PLA1A: variants seen among roughly 807,000 people sequenced by gnomAD.
PLA1A encodes phosphatidylserine-specific phospholipase A1alpha.
Under a neutral mutation model 49.4 loss-of-function variants are expected in PLA1A, and 47 were observed. The observed-to-expected ratio is 0.95, with a 90% CI of 0.75 to 1.21. The LOEUF is 1.21. PLA1A is among the 50% of genes most tolerant of loss of function. The probability of loss-of-function intolerance (pLI) is 0.00; values close to 1 mark genes in which losing one functional copy is unlikely to be tolerated. For synonymous variants in PLA1A, 224 were observed against 207.9 expected (o/e 1.08, Z -0.67); for missense variants, 561 against 563.9 (o/e 0.99, Z 0.05).
intron 3 of PLA1A, 60 bp downstream of exon 3, chr3:119,609,007 G>C: frequency 7.1e-7 from 1 of 1,414,918 alleles, no homozygotes; most frequent in Non-Finnish European, 9.9e-7. Flanking sequence ...GGGTCAGAAA[G>C]ACAAAAGCAC....
chr3:119,602,870 A>G (rs1254070641), intron 1 of PLA1A, among the ~76,000 whole-genome samples: 1 of 152,188 alleles, frequency 6.6e-6, no homozygotes, highest in Non-Finnish European at 1.5e-5. Context: ...ACAAGAGAGC[A>G]CTTGACAAGC....
In PLA1A at chr3:119,628,642, G is replaced by A. The variant is rs2052579028; in HGVS notation, c.1122-59G>A. ...CAGCAGAGCCCGATCGGAGCCAAAG[G>A]GGAAGTACAGGTGGTAAGGGCTACA... On this transcript the variant is annotated intron_variant, in intron 9 of 10. Transcript: ENST00000273371. 9.8e-6 allele frequency: 15 copies of A among 1,526,550 alleles called. No homozygotes were observed. The South Asian group carries it at 1.4e-4, about 14-fold the overall frequency. 94.6% of individuals were successfully genotyped at this position (1,526,550 alleles called of 1,614,324 possible).
chr3:119,620,728 T>A (rs2082917584), intron 8 of PLA1A, among the ~76,000 whole-genome samples: 1 of 152,170 alleles, frequency 6.6e-6, no homozygotes, highest in Non-Finnish European at 1.5e-5. Flanking sequence ...GTTAGGGTGT[T>A]TGTATCTTCA....
At chr3:119,619,747 A>C in intron 8 of PLA1A, 95 bp downstream of exon 8, 1 of 862,584 alleles carries the variant, frequency 1.2e-6, no homozygotes, top group Non-Finnish European at 2.0e-6. Flanking sequence ...GAATGATAAG[A>C]GCAAAGGCAT....
At chr3:119,604,672 G>T (rs1025977485) in intron 1 of PLA1A, among the ~76,000 whole-genome samples, 1 of 152,118 alleles carries the variant, frequency 6.6e-6, no homozygotes, top group African/African-American at 2.4e-5. Flanking sequence ...CCACTGAACT[G>T]TACACTTAAA....
At position 119,616,039 on chromosome 3, in the gene PLA1A, A is replaced by G. The variant is rs984811462; in HGVS notation, c.692A>G (p.His231Arg). ...DNLGIRIPVG[H>R]VDYFVNGGQD... ...TTGGGTATTCGGATTCCCGTTGGAC[A>G]TGTGGACTACTTCGTCAACGGAGGC... The change falls in exon 6 of 11, where the codon CAT becomes CGT. Residue 231 changes from histidine to arginine, a missense_variant. By Grantham distance (29) the His-to-Arg change is conservative. Coordinates refer to ENST00000273371, the MANE Select transcript of PLA1A (RefSeq NM_015900.4). 2.5e-6 allele frequency: 4 copies of G among 1,613,196 alleles called. No individual in the cohort carries two copies. The highest frequency in any genetic ancestry group is 1.3e-5 in the African/African-American group (1 of 75,008).
intron 8 of PLA1A, among the ~76,000 whole-genome samples, chr3:119,624,903 T>G (rs1185990678): frequency 6.6e-6 from 1 of 152,212 alleles, no homozygotes; most frequent in Non-Finnish European, 1.5e-5. Context: ...AGTGCTGGGA[T>G]TACAGGCGTG....
rs572816715 is a variant in PLA1A at position 119,616,005 on chromosome 3, C to G, written c.665-7C>G. On this transcript the variant is annotated splice_polypyrimidine_tract_variant and splice_region_variant and intron_variant, in intron 5 of 10. Coordinates refer to ENST00000273371, the MANE Select transcript of PLA1A (RefSeq NM_015900.4). The stretch of plus-strand genomic sequence containing the variant: ...AAGGAAGTTAATGGAGTTGTGCCTC[C>G]TTTCAGATTTGGGTATTCGGATTCC... 15 of 1,600,930 alleles carry G rather than the reference C, an allele frequency of 9.4e-6. No homozygotes were observed. In the East Asian group the frequency reaches 3.3e-4, roughly 36 times the overall value.
In PLA1A at chr3:119,609,482, G is replaced by A. The variant is rs530553556; in HGVS notation, c.468G>A (p.Ser156=). ...FLNKLLVLGV[S]ESSIHIIGVS... is the part of the protein sequence containing the mutation. Reference sequence around the variant, plus strand: ...TGCTCTTCTAGGTGCTGGGTGTGTCGGAATCCTCAATCCACATCATTGGTG... The same window carrying A: ...TGCTCTTCTAGGTGCTGGGTGTGTCAGAATCCTCAATCCACATCATTGGTG... Residue 156 remains serine, a synonymous_variant, in exon 4 of 11, where the codon TCG becomes TCA. Coordinates refer to ENST00000273371, the MANE Select transcript of PLA1A (RefSeq NM_015900.4). 64 of 1,610,312 alleles carry A rather than the reference G, an allele frequency of 4.0e-5. No individual in the cohort carries two copies. The East Asian group carries it at 8.2e-4, about 21-fold the overall frequency.
intron 8 of PLA1A, among the ~76,000 whole-genome samples, chr3:119,624,333 TA>T (rs2082986723): frequency 6.6e-6 from 1 of 152,202 alleles, no homozygotes; most frequent in Non-Finnish European, 1.5e-5. Context: ...TCATTCATGA[TA>T]GTAGAGCCTT....
At chr3:119,609,705 C>A in intron 4 of PLA1A, 129 bp downstream of exon 4, 1 of 514,956 alleles carries the variant, frequency 1.9e-6, no homozygotes, top group Non-Finnish European at 3.5e-6. Flanking sequence ...CCTATTACCA[C>A]TAAAATTTAT....
chr3:119,597,897 A>C lies in PLA1A; in HGVS notation c.-17A>C, dbSNP rs2107770479. ...AGGGAATTACTCCATACCAGCTCTG[A>C]GATTTCCAGCTCAGCGATGCCCCCA... On this transcript the variant is annotated 5_prime_UTR_variant, in exon 1 of 11. Coordinates refer to ENST00000273371, the MANE Select transcript of PLA1A (RefSeq NM_015900.4). 1.3e-6 allele frequency: 2 copies of C among 1,583,156 alleles called. No individual in the cohort carries two copies. The highest frequency in any genetic ancestry group is 2.3e-5 in the South Asian group (2 of 88,146).
intron 7 of PLA1A, among the ~76,000 whole-genome samples, chr3:119,618,734 C>T (rs2082888063): frequency 6.6e-6 from 1 of 151,288 alleles, no homozygotes; most frequent in Non-Finnish European, 1.5e-5. Flanking sequence ...TTGTGTAGAT[C>T]ATTGCTATGC....
intron 1 of PLA1A, among the ~76,000 whole-genome samples, chr3:119,602,151 ACT>A (rs1465156063): frequency 6.6e-6 from 1 of 152,038 alleles, no homozygotes; most frequent in Non-Finnish European, 1.5e-5. Context: ...TGTCCTTTGC[ACT>A]TTTGGTACTT....
intron 7 of PLA1A, among the ~76,000 whole-genome samples, 166 bp downstream of exon 7, chr3:119,618,352 G>A (rs1407353747): frequency 5.3e-5 from 8 of 152,118 alleles, no homozygotes; most frequent in Admixed American, 1.3e-4. Flanking sequence ...GGAGGTGGAC[G>A]GTTGGTTCTC....
chr3:119,621,644 C>T (rs1041622277), intron 8 of PLA1A, among the ~76,000 whole-genome samples: 2 of 152,182 alleles, frequency 1.3e-5, no homozygotes, highest in Non-Finnish European at 2.9e-5. Flanking sequence ...CATAGTGTAC[C>T]TTTTCTCCAT....
In PLA1A at chr3:119,619,600, C is replaced by T. The variant is rs763617697; in HGVS notation, c.960C>T (p.Leu320=). Residue 320 remains leucine, a synonymous_variant, in exon 8 of 11, where the codon CTC becomes CTT. Transcript: ENST00000273371. ...VEQGGVKIEP[L]PKEVKVYLLT... is the part of the protein sequence containing the mutation. Reference sequence around the variant, plus strand: ...AAGGTGGTGTCAAGATAGAGCCGCTCCCCAAGGAAGTGAAAGTCTACCTCC... The same window carrying T: ...AAGGTGGTGTCAAGATAGAGCCGCTTCCCAAGGAAGTGAAAGTCTACCTCC... 6.2e-7 allele frequency: 1 copy of T among 1,613,872 alleles called. No homozygotes were observed. The highest frequency in any genetic ancestry group is 1.1e-5 in the South Asian group (1 of 91,080).
chr3:119,622,816 CTTTCT>C (rs1384279901), intron 8 of PLA1A, among the ~76,000 whole-genome samples: 1 of 151,784 alleles, frequency 6.6e-6, no homozygotes, highest in Non-Finnish European at 1.5e-5. Context: ...AAACTGTAAT[CTTTCT>C]TTTCTTATTT....
chr3:119,599,536 A>C (rs2082587027), intron 1 of PLA1A, among the ~76,000 whole-genome samples: 1 of 152,160 alleles, frequency 6.6e-6, no homozygotes, highest in African/African-American at 2.4e-5. Flanking sequence ...GCAAATTGGC[A>C]TCAAACTCTT....
Sources: gnomAD v4.1 joint callset for allele counts (sites outside exome capture counted in the v4.1 genomes callset) on GRCh38, gnomAD v4.1.1 for gene constraint, MANE v1.5 for transcripts, NCBI Gene and HGNC (gene_info 2026-07-23, HGNC 2026-07-21) for gene names.